The following CDHR3 variants were observed in gnomAD, a reference collection of about 807,000 sequenced individuals.
The protein encoded by CDHR3 is cadherin related family member 3, also known as cadherin-related family member 3.
In CDHR3, 79 loss-of-function variants were observed where a neutral mutation model predicts 86.6. The observed-to-expected ratio is 0.91, with a 90% CI of 0.76 to 1.10. The LOEUF (loss-of-function observed/expected upper bound fraction) is 1.10, where lower values mean the gene tolerates loss of function less well. CDHR3 is among the 50% of genes least tolerant of loss of function. The probability of loss-of-function intolerance (pLI) is 0.00; values close to 1 mark genes in which losing one functional copy is unlikely to be tolerated. For synonymous variants in CDHR3, 421 were observed against 402.4 expected, an observed-to-expected ratio of 1.05 and a Z score of -0.55; for missense variants, 1,081 against 1,077.6, an observed-to-expected ratio of 1.00 and a Z score of -0.04.
chr7:106,022,559 T>A, intron 14 of CDHR3, 111 bp downstream of exon 14: 2 of 1,471,108 alleles, frequency 1.4e-6, no homozygotes, highest in South Asian at 1.4e-5. Context: ...GTTGAGGTAT[T>A]AGGATGTTGC....
chr7:105,993,519 A>G (rs1004485779), intron 4 of CDHR3, among the ~76,000 whole-genome samples: 1 of 151,340 alleles, frequency 6.6e-6, no homozygotes, highest in Admixed American at 6.6e-5. Flanking sequence ...AAAAAAATAT[A>G]AAAAAAATTA....
chr7:106,023,824 G>A (rs1836948123), intron 14 of CDHR3, among the ~76,000 whole-genome samples: 1 of 152,194 alleles, frequency 6.6e-6, no homozygotes, highest in Non-Finnish European at 1.5e-5. Context: ...CCTTTCTTGG[G>A]CTCAGAGCAT....
At position 106,033,555 on chromosome 7, in the gene CDHR3, A is replaced by G. The variant is rs1010957500; in HGVS notation, c.*858A>G. The G allele has an allele frequency of 6.6e-6, 1 of 152,202 alleles. No homozygotes were observed. Among genetic ancestry groups the G allele is most frequent in the Non-Finnish European group, 1.5e-5 (1 of 68,040 alleles). 9.4% of individuals were successfully genotyped at this position (152,202 alleles called of 1,614,324 possible). A position where few individuals can be genotyped will look rare whatever the true frequency, so the allele number is the denominator to read the frequency against. On this transcript the variant is annotated 3_prime_UTR_variant, in exon 19 of 19. Transcript: ENST00000317716. ...GGAGTTCAAGATCAGCCTGGCCTAG[A>G]TGGCAAAACCCTGTCTCTACTAAAA... is the stretch of plus-strand genomic sequence containing the variant.
chr7:106,003,100 C>T (rs1833444281), intron 7 of CDHR3, among the ~76,000 whole-genome samples: 1 of 149,094 alleles, frequency 6.7e-6, no homozygotes, highest in Non-Finnish European at 1.5e-5. Flanking sequence ...TTCCACTCTA[C>T]TCCAGCCTGG....
Position 105,980,998 on chromosome 7 carries a change from T to A in CDHR3, c.280T>A (p.Phe94Ile). 1 of 1,610,048 alleles carries A rather than the reference T, an allele frequency of 6.2e-7. No individual in the cohort carries two copies. The highest frequency in any genetic ancestry group is 1.7e-5 in the Admixed American group (1 of 59,392). The change falls in exon 3 of 19, where the codon TTT becomes ATT. Residue 94 changes from phenylalanine (F) to isoleucine (I), a missense_variant. Transcript: ENST00000317716. ...CACCACTGGGATGGAACAACTAGAT[T>A]TTGAAACAGGACCAAACATATTTGA... ...VVTTGMEQLD[F>I]ETGPNIFDLQ...
chr7:106,008,106 C>T (rs913501471), intron 8 of CDHR3, among the ~76,000 whole-genome samples: 2 of 152,174 alleles, frequency 1.3e-5, no homozygotes, highest in Non-Finnish European at 2.9e-5. Flanking sequence ...AAGAACAGCA[C>T]AGGAAAGACT....
At chr7:105,980,611 T>TTTTTTTTTTTTTTTTTA in intron 2 of CDHR3, among the ~76,000 whole-genome samples, 1 of 96,264 alleles carries the variant, frequency 1.0e-5, no homozygotes, top group Admixed American at 1.3e-4. Flanking sequence ...TTTTTAATTT[T>TTTTTTTTTTTTTTTTTA]TTTTTTTTTT....
Position 106,030,682 on chromosome 7 carries a change from T to C in CDHR3, c.2305-110T>C. On this transcript the variant is annotated intron_variant, in intron 17 of 18. Coordinates refer to ENST00000317716, the MANE Select transcript of CDHR3 (RefSeq NM_152750.5). The surrounding 1 kb of genome is among the most constrained non-coding windows in gnomAD (Gnocchi z 4.8). ...CTATCACAGTGCCTAATTAAAGACT[T>C]AGAAGTCAAGAAGGCTTTGGTTAAG... The C allele has an allele frequency of 1.0e-6, 1 of 957,236 alleles. No individual in the cohort carries two copies. The highest frequency in any genetic ancestry group is 1.6e-6 in the Non-Finnish European group (1 of 613,978). The allele number at this position is 957,236 out of a possible 1,614,324, so 59.3% of individuals were successfully genotyped here.
chr7:105,991,116 TG>T (rs1831290349), intron 4 of CDHR3, among the ~76,000 whole-genome samples: 1 of 152,188 alleles, frequency 6.6e-6, no homozygotes, highest in Non-Finnish European at 1.5e-5. Context: ...TAGCCAGGAC[TG>T]GGGGCAGAGA....
chr7:106,000,094 T>A (rs770427385), intron 6 of CDHR3, among the ~76,000 whole-genome samples: 1 of 152,238 alleles, frequency 6.6e-6, no homozygotes, highest in Admixed American at 6.5e-5. Flanking sequence ...TTTGGCCCCA[T>A]TCCACTTTGT....
chr7:105,996,124 C>T (rs530167556), intron 5 of CDHR3, 126 bp from the exon 6 acceptor site: 11 of 594,966 alleles, frequency 1.8e-5, no homozygotes, highest in East Asian at 5.6e-5. Flanking sequence ...GGGGGCATTA[C>T]GGAGAGGCTC....
intron 1 of CDHR3, among the ~76,000 whole-genome samples, chr7:105,971,672 T>C (rs899244581): frequency 1.1e-4 from 16 of 152,148 alleles, no homozygotes; most frequent in Admixed American, 3.3e-4. Context: ...CAGGCAATAT[T>C]TGGGGAGCAT....
At position 106,004,488 on chromosome 7, in the gene CDHR3, G is replaced by A. The variant is rs374681583; in HGVS notation, c.863-10G>A. 1.6e-5 allele frequency: 25 copies of A among 1,612,364 alleles called. No individual in the cohort carries two copies. Among genetic ancestry groups the A allele is most frequent in the Non-Finnish European group, 2.1e-5 (25 of 1,178,906 alleles). The stretch of plus-strand genomic sequence containing the variant: ...TTCAAAGGGTCACGTTCTAACCTTT[G>A]CTTTCTCAGTGACTGGTACAATCCA... On this transcript the variant is annotated splice_polypyrimidine_tract_variant and intron_variant, in intron 7 of 18. Coordinates refer to ENST00000317716, the MANE Select transcript of CDHR3 (RefSeq NM_152750.5).
intron 6 of CDHR3, among the ~76,000 whole-genome samples, chr7:105,998,819 G>A (rs900160880): frequency 5.9e-5 from 9 of 151,602 alleles, no homozygotes; most frequent in African/African-American, 2.2e-4. Flanking sequence ...AAAAAAAAAA[G>A]CACCTGACAT....
At chr7:105,999,274 C>A (rs1481073200) in intron 6 of CDHR3, among the ~76,000 whole-genome samples, 1 of 152,228 alleles carries the variant, frequency 6.6e-6, no homozygotes, top group Non-Finnish European at 1.5e-5. Context: ...TTATCTCCTG[C>A]CAGGCTTAAT....
chr7:105,976,771 A>G (rs1364143591), intron 2 of CDHR3, among the ~76,000 whole-genome samples: 1 of 152,214 alleles, frequency 6.6e-6, no homozygotes, highest in African/African-American at 2.4e-5. Flanking sequence ...CCCATGTTGT[A>G]GCCTGGATCA....
At chr7:105,994,679 G>A (rs1007321118) in intron 4 of CDHR3, 72 bp from the exon 5 acceptor site, 11 of 1,000,972 alleles carry the variant, frequency 1.1e-5, no homozygotes, top group Admixed American at 3.9e-5. Flanking sequence ...AATAGGAAAT[G>A]AGCACACACA....
At chr7:106,017,441 C>T (rs1835809542) in intron 11 of CDHR3, among the ~76,000 whole-genome samples, 1 of 151,962 alleles carries the variant, frequency 6.6e-6, no homozygotes, top group African/African-American at 2.4e-5. Context: ...CACCTGTAAT[C>T]CCAGCTACTT....
At chr7:105,996,191 C>T (rs986448148) in intron 5 of CDHR3, 59 bp from the exon 6 acceptor site, 11 of 915,710 alleles carry the variant, frequency 1.2e-5, no homozygotes, top group Non-Finnish European at 1.6e-5. Context: ...TTTCCCCATC[C>T]TATTTTGAAG....
Sources: allele counts gnomAD v4.1 joint callset (sites outside exome capture counted in the v4.1 genomes callset), GRCh38; gene constraint gnomAD v4.1.1; non-coding constraint Gnocchi (gnomAD v3.1); transcripts MANE v1.5; gene names NCBI Gene and HGNC (gene_info 2026-07-23, HGNC 2026-07-21).